Variants in MARCHF5 observed in about 807,000 individuals in gnomAD.
MARCHF5 encodes the protein membrane associated ring-CH-type finger 5, also known as E3 ubiquitin-protein ligase MARCHF5.
A neutral mutation model predicts 36.5 loss-of-function variants in MARCHF5; 5 were observed. That is an observed-to-expected ratio of 0.14 (90% CI 0.07 to 0.29). The LOEUF is 0.29. Among genes scored for constraint, MARCHF5 ranks in the 10% least tolerant of loss-of-function variants. MARCHF5 has a pLI of 1.00. For synonymous variants in MARCHF5, 103 were observed against 109.9 expected, an observed-to-expected ratio of 0.94 and a Z score of 0.39; for missense variants, 179 against 336.3, an observed-to-expected ratio of 0.53 and a Z score of 3.66.
intron 1 of MARCHF5, among the ~76,000 whole-genome samples, chr10:92,298,670 C>T (rs559706097): frequency 3.3e-5 from 5 of 152,262 alleles, no homozygotes; most frequent in Admixed American, 2.6e-4. Flanking sequence ...CCCCACCCTC[C>T]GGCTCAAAAT....
intron 1 of MARCHF5, among the ~76,000 whole-genome samples, chr10:92,302,724 G>A (rs1466171026): frequency 3.3e-5 from 5 of 152,244 alleles, no homozygotes; most frequent in Non-Finnish European, 5.9e-5. Context: ...GATTATAGGC[G>A]TGAGCCACCG....
chr10:92,346,726 G>A (rs949731537), intron 3 of MARCHF5, among the ~76,000 whole-genome samples: 6 of 151,424 alleles, frequency 4.0e-5, no homozygotes, highest in South Asian at 4.2e-4. Context: ...CAGGTGATCC[G>A]CCTGCCTCAG....
At position 92,331,889 on chromosome 10, in the gene MARCHF5, GTA is replaced by G. The variant is rs1564950979; in HGVS notation, c.239-8777_239-8776del. Among the ~76,000 whole-genome samples the G allele has an allele frequency of 1.6e-4, 5 of 31,540 alleles. 1 individual carries two copies. The highest frequency in any genetic ancestry group is 4.4e-4 in the African/African-American group (5 of 11,446). 20.7% of individuals were successfully genotyped at this position (31,540 alleles called of 152,430 possible). On this transcript the variant is annotated intron_variant, in intron 2 of 5. Transcript: ENST00000358935. ...TGTTTTTATATATAATCATATATAT[GTA>G]TATATAATCATATATATGTATATAT...
At chr10:92,320,739 A>T (rs1843280595) in intron 2 of MARCHF5, among the ~76,000 whole-genome samples, 1 of 131,526 alleles carries the variant, frequency 7.6e-6, no homozygotes, top group South Asian at 3.2e-4. Context: ...AGTCAAAGTT[A>T]AAGTTAAAAG....
chr10:92,293,254 A>T (rs1162742285), intron 1 of MARCHF5, among the ~76,000 whole-genome samples: 2 of 151,726 alleles, frequency 1.3e-5, no homozygotes, highest in Non-Finnish European at 2.9e-5. Context: ...CACAACACAT[A>T]CCACCATGCC....
At chr10:92,304,629 T>C (rs1472882922) in intron 1 of MARCHF5, among the ~76,000 whole-genome samples, 1 of 152,236 alleles carries the variant, frequency 6.6e-6, no homozygotes, top group African/African-American at 2.4e-5. Context: ...TCTCTACAGC[T>C]GTAAAGTAAT....
intron 1 of MARCHF5, among the ~76,000 whole-genome samples, chr10:92,292,172 C>A (rs1304126157): frequency 6.6e-6 from 1 of 152,052 alleles, no homozygotes; most frequent in Non-Finnish European, 1.5e-5. Flanking sequence ...TCGTTGAGTT[C>A]ATTGAAGACG....
At chr10:92,297,178 T>C (rs1011424485) in intron 1 of MARCHF5, among the ~76,000 whole-genome samples, 2 of 151,240 alleles carry the variant, frequency 1.3e-5, no homozygotes, top group African/African-American at 4.9e-5. Context: ...TTTTTTTTTT[T>C]TTTTTTGAGT....
In MARCHF5 at chr10:92,349,691, C is replaced by T. The variant is rs750982577; in HGVS notation, c.574C>T (p.Arg192Ter). 6.2e-7 allele frequency: 1 copy of T among 1,613,930 alleles called. No homozygotes were observed. The highest frequency in any genetic ancestry group is 8.5e-7 in the Non-Finnish European group (1 of 1,179,954). Residue 192 changes from arginine to a stop codon, truncating the protein, a stop_gained, in exon 5 of 6, where the codon CGA (arginine) becomes TGA (stop). Coordinates refer to ENST00000358935, the MANE Select transcript of MARCHF5 (RefSeq NM_017824.5). LOFTEE classifies it high-confidence loss of function. The part of the protein sequence containing the change: ...IFPGIGCPVP[R>*]IPAEANPLAD... ...TCTAGGGATAGGTTGTCCTGTTCCT[C>T]GAATTCCAGCTGAGGCCAATCCTTT...
At chr10:92,333,837 C>A (rs1317146317) in intron 2 of MARCHF5, among the ~76,000 whole-genome samples, 1 of 152,048 alleles carries the variant, frequency 6.6e-6, no homozygotes, top group African/African-American at 2.4e-5. Context: ...TCAGTGGCCT[C>A]AAAAATCTGT....
At chr10:92,309,740 A>G (rs969551892) in intron 1 of MARCHF5, among the ~76,000 whole-genome samples, 2 of 152,006 alleles carry the variant, frequency 1.3e-5, no homozygotes, top group African/African-American at 4.8e-5. Flanking sequence ...GTGGTTGCAC[A>G]ACAGTATGAA....
chr10:92,297,166 C>CTTTTT (rs767761093), intron 1 of MARCHF5, among the ~76,000 whole-genome samples: 1 of 137,868 alleles, frequency 7.3e-6, no homozygotes, highest in Admixed American at 7.4e-5. Context: ...TAATAGACTA[C>CTTTTT]TTTTTTTTTT....
intron 1 of MARCHF5, among the ~76,000 whole-genome samples, chr10:92,305,949 T>G (rs932997086): frequency 6.6e-6 from 1 of 152,112 alleles, no homozygotes; most frequent in Admixed American, 6.6e-5. Context: ...AAAAACTCTT[T>G]AGAGTTTACA....
chr10:92,308,359 A>G (rs1229878985), intron 1 of MARCHF5: 3 of 152,242 alleles, frequency 2.0e-5, no homozygotes, highest in Non-Finnish European at 4.4e-5. Context: ...ACTCGTGAGC[A>G]TCTTGGTTAT....
At chr10:92,297,720 G>A (rs1436798174) in intron 1 of MARCHF5, among the ~76,000 whole-genome samples, 3 of 151,326 alleles carry the variant, frequency 2.0e-5, no homozygotes, top group South Asian at 4.3e-4. Flanking sequence ...TCAAACTCCC[G>A]ACCTCGTGAT....
At chr10:92,315,301 A>G (rs1020161020) in intron 2 of MARCHF5, among the ~76,000 whole-genome samples, 2 of 152,254 alleles carry the variant, frequency 1.3e-5, no homozygotes, top group African/African-American at 4.8e-5. Flanking sequence ...CTCTCTGTAT[A>G]ACACACGTAG....
chr10:92,311,029 C>G, intron 1 of MARCHF5, 106 bp from the exon 2 acceptor site: 1 of 749,352 alleles, frequency 1.3e-6, no homozygotes, highest in South Asian at 1.8e-5. Flanking sequence ...GACAGAGATT[C>G]TGTAATATAA....
At chr10:92,319,635 G>A (rs1843264197) in intron 2 of MARCHF5, among the ~76,000 whole-genome samples, 1 of 139,178 alleles carries the variant, frequency 7.2e-6, no homozygotes, top group Admixed American at 7.5e-5. Flanking sequence ...AATTTTGTGT[G>A]TTTGTTTTTT....
chr10:92,336,779 G>T (rs560540632), intron 2 of MARCHF5, among the ~76,000 whole-genome samples: 38 of 152,178 alleles, frequency 2.5e-4, no homozygotes, highest in African/African-American at 8.7e-4. Flanking sequence ...AAAAGAGAAA[G>T]AACCAGCAAA....
Sources: allele counts gnomAD v4.1 joint callset (sites outside exome capture counted in the v4.1 genomes callset), GRCh38; gene constraint gnomAD v4.1.1; transcripts MANE v1.5; gene names NCBI Gene and HGNC (gene_info 2026-07-23, HGNC 2026-07-21).